DPF3: variants seen among roughly 807,000 people sequenced by gnomAD.
The protein encoded by DPF3 is double PHD fingers 3, also known as zinc finger protein DPF3.
Under a neutral mutation model 56.8 loss-of-function variants are expected in DPF3, and 18 were observed. The ratio of observed to expected loss-of-function variants is 0.32; its 90% CI spans 0.22 to 0.47. The LOEUF is 0.47. Ranked by LOEUF, DPF3 falls within the 20% of genes least tolerant of loss-of-function variation. DPF3 has a pLI of 1.00. For missense variants in DPF3, 403 were observed against 488.8 expected, an observed-to-expected ratio of 0.82 and a Z score of 1.65; for synonymous variants, 188 against 180.2, an observed-to-expected ratio of 1.04 and a Z score of -0.35.
chr14:72,684,570 C>A (rs1479857501), intron 7 of DPF3, among the ~76,000 whole-genome samples: 2 of 150,772 alleles, frequency 1.3e-5, no homozygotes, highest in Non-Finnish European at 2.9e-5. Context: ...CAGTGAGACA[C>A]AGAATGAGAG....
At chr14:72,838,778 T>A (rs1567251250) in intron 1 of DPF3, among the ~76,000 whole-genome samples, 3 of 150,950 alleles carry the variant, frequency 2.0e-5, no homozygotes, top group Admixed American at 2.0e-4. Context: ...AGGCAATTAC[T>A]GTTGGCATCA....
chr14:72,687,440 A>G (rs1887461160), intron 7 of DPF3, among the ~76,000 whole-genome samples: 1 of 152,156 alleles, frequency 6.6e-6, no homozygotes, highest in Admixed American at 6.5e-5. Context: ...TTTTTAAGTT[A>G]TTTGTTTTTG....
intron 3 of DPF3, among the ~76,000 whole-genome samples, chr14:72,736,463 G>GTAAT (rs1218438600): frequency 2.6e-5 from 4 of 152,182 alleles, no homozygotes; most frequent in African/African-American, 9.7e-5. Context: ...TGTTGTCCAC[G>GTAAT]TAATAGCTGC....
intron 1 of DPF3, among the ~76,000 whole-genome samples, chr14:72,859,469 T>TCCCCCCCC (rs112629015): frequency 1.6e-5 from 1 of 60,618 alleles, no homozygotes; most frequent in Non-Finnish European, 3.6e-5. Flanking sequence ...TGCAGCTTCC[T>TCCCCCCCC]CCCCCCCCCC....
intron 7 of DPF3, among the ~76,000 whole-genome samples, chr14:72,692,508 C>A (rs183630723): frequency 1.3e-5 from 2 of 152,264 alleles, no homozygotes; most frequent in Middle Eastern, 3.4e-3. Context: ...ACATCCCAAA[C>A]GACAAATCCA....
chr14:72,800,837 T>G (rs114431937), intron 1 of DPF3, among the ~76,000 whole-genome samples: 1 of 152,216 alleles, frequency 6.6e-6, no homozygotes, highest in Non-Finnish European at 1.5e-5. Flanking sequence ...CAAGCAGTTA[T>G]GTAGTTGCAA....
intron 1 of DPF3, among the ~76,000 whole-genome samples, chr14:72,865,345 C>A (rs539264260): frequency 7.2e-5 from 11 of 152,180 alleles, no homozygotes; most frequent in Non-Finnish European, 1.6e-4. Context: ...ATTGTATGCA[C>A]TGTGAAGAAA....
At chr14:72,646,786 G>A (rs1885739546) in intron 8 of DPF3, among the ~76,000 whole-genome samples, 1 of 152,234 alleles carries the variant, frequency 6.6e-6, no homozygotes, top group Non-Finnish European at 1.5e-5. Flanking sequence ...CCACAGCAAT[G>A]CCATTTTGGC....
intron 1 of DPF3, among the ~76,000 whole-genome samples, chr14:72,820,564 C>T (rs75460407): frequency 0.094 from 14,238 of 152,154 alleles, 824 homozygotes; most frequent in Admixed American, 0.18. Flanking sequence ...CAATTTGGAA[C>T]ACTATTATAT....
intron 1 of DPF3, among the ~76,000 whole-genome samples, chr14:72,818,681 T>TA (rs1883398385): frequency 6.6e-6 from 1 of 152,186 alleles, no homozygotes; most frequent in African/African-American, 2.4e-5. Flanking sequence ...TCTAAAAAGA[T>TA]AAAAATTTAA....
Position 72,753,346 on chromosome 14 carries a change from T to C in DPF3, c.219A>G (p.Thr73=), listed in dbSNP as rs950864773. The change falls in exon 3 of 11, where the codon ACA becomes ACG. Residue 73 remains threonine, a synonymous_variant. Transcript: ENST00000556509. ...GPGLAPGQLY[T]YPARCWRKKR... is the part of the protein sequence containing the mutation. ...TCTTGCGCCAGCAGCGGGCAGGGTA[T>C]GTATACAGCTGGCCCGGGGCAAGGC... The C allele has an allele frequency of 1.9e-6, 3 of 1,612,772 alleles. No individual in the cohort carries two copies. The highest frequency in any genetic ancestry group is 1.3e-5 in the African/African-American group (1 of 74,902).
At chr14:72,637,858 T>C (rs1256958356) in intron 8 of DPF3, among the ~76,000 whole-genome samples, 1 of 148,460 alleles carries the variant, frequency 6.7e-6, no homozygotes, top group African/African-American at 2.5e-5. Flanking sequence ...CTTCTAGAAT[T>C]CATGTCAACT....
chr14:72,641,508 G>A (rs1599323541), intron 8 of DPF3, among the ~76,000 whole-genome samples: 1 of 152,310 alleles, frequency 6.6e-6, no homozygotes, highest in Non-Finnish European at 1.5e-5. Context: ...TTCAGTCCTA[G>A]GTGACTGAGC....
At chr14:72,799,472 C>G (rs1359822349) in intron 1 of DPF3, among the ~76,000 whole-genome samples, 1 of 152,072 alleles carries the variant, frequency 6.6e-6, no homozygotes, top group Admixed American at 6.5e-5. Flanking sequence ...CAAGACCAGC[C>G]TGGGTAACAT....
chr14:72,837,091 A>G (rs4903070), intron 1 of DPF3, among the ~76,000 whole-genome samples: 81,389 of 151,434 alleles, frequency 0.54, 22,358 homozygotes, highest in East Asian at 0.88. Context: ...GACTGGTCTC[A>G]AATTCCTGAC....
rs535497100 is a variant in DPF3 at position 72,611,992 on chromosome 14, G to A, written c.*7305C>T. Among the ~76,000 whole-genome samples, 26 of 152,294 alleles carry A rather than the reference G, an allele frequency of 1.7e-4. 1 individual carries two copies. The East Asian group carries it at 3.9e-3, about 23-fold the overall frequency. On this transcript the variant is annotated 3_prime_UTR_variant, in exon 11 of 11. Transcript: ENST00000556509. ...CAACTTGAAGGCTAGGCCAGCATGC[G>A]GTTTATTTTCCAGCCCCTACAGGAC...
rs561507530 is a variant in DPF3 at position 72,638,286 on chromosome 14, G to T, written c.872-8550C>A. Among the ~76,000 whole-genome samples the T allele has an allele frequency of 1.4e-4, 21 of 152,158 alleles. No homozygotes were observed. In the East Asian group the frequency reaches 3.7e-3, roughly 27 times the overall value. ...GTGAAGGTCAGGCGGCTGAATCATT[G>T]CCCAGAGCCCAACATCAATTTTAGA... On this transcript the variant is annotated intron_variant, in intron 8 of 10. Coordinates refer to ENST00000556509, the MANE Select transcript of DPF3 (RefSeq NM_001280542.3).
At chr14:72,804,872 A>G (rs1599457080) in intron 1 of DPF3, among the ~76,000 whole-genome samples, 1 of 152,198 alleles carries the variant, frequency 6.6e-6, no homozygotes, top group South Asian at 2.1e-4. Context: ...GAATATCTGA[A>G]TTCTTATATC....
chr14:72,804,072 T>C (rs890795200), intron 1 of DPF3, among the ~76,000 whole-genome samples: 1 of 151,836 alleles, frequency 6.6e-6, no homozygotes, highest in African/African-American at 2.4e-5. Context: ...AAACAAGAAC[T>C]TGGAGAGGAC....
Sources: gnomAD v4.1 joint callset for allele counts (sites outside exome capture counted in the v4.1 genomes callset) on GRCh38, gnomAD v4.1.1 for gene constraint, MANE v1.5 for transcripts, NCBI Gene and HGNC (gene_info 2026-07-23, HGNC 2026-07-21) for gene names.